Variants in XPO7 observed in about 807,000 individuals in gnomAD.
XPO7 encodes the protein exportin-7.
Under a neutral mutation model 144.3 loss-of-function variants are expected in XPO7, and 21 were observed. The observed-to-expected ratio is 0.15, with a 90% CI of 0.10 to 0.21. The LOEUF (loss-of-function observed/expected upper bound fraction) is 0.21. Ranked by LOEUF, XPO7 falls within the 10% of genes least tolerant of loss-of-function variation. The pLI is 1.00. For missense variants in XPO7, 808 were observed against 1,325.8 expected (o/e 0.61, Z 6.06); for synonymous variants, 580 against 499.6 (o/e 1.16, Z -2.15).
intron 15 of XPO7, 169 bp from the exon 16 acceptor site, chr8:21,988,834 G>A: frequency 1.6e-6 from 1 of 612,562 alleles, no homozygotes; most frequent in Non-Finnish European, 2.8e-6. Flanking sequence ...TCAACCAAAT[G>A]TAAGTACAGA....
At chr8:21,998,654 TA>T in intron 21 of XPO7, 100 bp from the exon 22 acceptor site, 1 of 902,522 alleles carries the variant, frequency 1.1e-6, no homozygotes, top group Non-Finnish European at 1.7e-6. Context: ...TACCTTAATG[TA>T]AATGCAGGAT....
At chr8:21,920,958 A>C (rs192309172) in intron 1 of XPO7, among the ~76,000 whole-genome samples, 5 of 152,196 alleles carry the variant, frequency 3.3e-5, no homozygotes, top group Non-Finnish European at 7.4e-5. Context: ...AGAAGGGACT[A>C]AATAAAAGAC....
chr8:21,951,714 T>C (rs901134968), intron 1 of XPO7, among the ~76,000 whole-genome samples: 1 of 152,242 alleles, frequency 6.6e-6, no homozygotes, highest in South Asian at 2.1e-4. Context: ...AGGTGTGTTG[T>C]CAACTGTTTT....
intron 25 of XPO7, 121 bp downstream of exon 25, chr8:22,002,393 G>A: frequency 1.6e-6 from 2 of 1,238,674 alleles, no homozygotes; most frequent in Non-Finnish European, 2.2e-6. Flanking sequence ...CTGCTGAGAT[G>A]AAGTCCGTGT....
rs376755878 is a variant in XPO7, at chr8:21,972,360, TC to T, written c.492+422del. On this transcript the variant is annotated intron_variant, in intron 5 of 27. Coordinates refer to ENST00000252512, the MANE Select transcript of XPO7 (RefSeq NM_015024.5). ...CGGGCGTGGTGGCATGTGCCTGTAGTCCCAGCGACTTGGGAGACAGGCAGGA... is the reference window on the plus strand; with the variant it reads ...CGGGCGTGGTGGCATGTGCCTGTAGTCCAGCGACTTGGGAGACAGGCAGGA... 3.7e-3 allele frequency among the ~76,000 whole-genome samples: 563 copies of T among 152,228 alleles called. 2 individuals are homozygous for T. The highest frequency in any genetic ancestry group is 0.013 in the African/African-American group (538 of 41,536).
chr8:21,951,945 G>C (rs1811387851), intron 1 of XPO7, among the ~76,000 whole-genome samples: 1 of 152,160 alleles, frequency 6.6e-6, no homozygotes, highest in Non-Finnish European at 1.5e-5. Context: ...GGAGGGATTG[G>C]TGATAACCAG....
At chr8:21,922,544 C>T (rs1810323063) in intron 1 of XPO7, among the ~76,000 whole-genome samples, 2 of 152,140 alleles carry the variant, frequency 1.3e-5, no homozygotes, top group South Asian at 4.2e-4. Flanking sequence ...AGTTGCCCTT[C>T]CTTTCATGTT....
intron 27 of XPO7, among the ~76,000 whole-genome samples, chr8:22,004,636 T>C (rs1813261621): frequency 6.6e-6 from 1 of 152,128 alleles, no homozygotes; most frequent in Non-Finnish European, 1.5e-5. Flanking sequence ...GGTAGCCATA[T>C]GTGGTTAGCA....
At chr8:21,994,286 CAT>C in intron 19 of XPO7, 75 bp from the exon 20 acceptor site, 2 of 1,036,828 alleles carry the variant, frequency 1.9e-6, no homozygotes, top group South Asian at 1.4e-5. Flanking sequence ...TTTGATGATA[CAT>C]GTGTGGAATC....
At chr8:21,975,172 G>A (rs1812187114) in intron 6 of XPO7, among the ~76,000 whole-genome samples, 1 of 152,250 alleles carries the variant, frequency 6.6e-6, no homozygotes, top group African/African-American at 2.4e-5. Flanking sequence ...TGCTCTGAAA[G>A]TAGGTTCAGA....
At chr8:21,950,448 T>G (rs1351040043) in intron 1 of XPO7, among the ~76,000 whole-genome samples, 1 of 152,212 alleles carries the variant, frequency 6.6e-6, no homozygotes, top group African/African-American at 2.4e-5. Context: ...ATTCTCCCCA[T>G]CAAATGAGTA....
Position 21,999,186 on chromosome 8 carries a change from G to A in XPO7, c.2524G>A (p.Ala842Thr). The A allele has an allele frequency of 1.2e-6, 2 of 1,614,016 alleles. No individual in the cohort carries two copies. Among genetic ancestry groups the A allele is most frequent in the Admixed American group, 3.3e-5 (2 of 60,030 alleles). Reference protein sequence around the residue: ...ISICFSMLKAALSGSYVNFGV... With the variant: ...ISICFSMLKATLSGSYVNFGV... ...CATCTGCTTCTCCATGCTGAAGGCTGCTCTCAGTGGGAGTTACGTCAATTT... is the reference window on the plus strand; with the variant it reads ...CATCTGCTTCTCCATGCTGAAGGCTACTCTCAGTGGGAGTTACGTCAATTT... The change falls in exon 23 of 28, where the codon GCT becomes ACT. Residue 842 changes from alanine (A) to threonine (T), a missense_variant. Physicochemically the swap from Ala to Thr is moderately conservative, Grantham distance 58 (BLOSUM62 0). This residue lies in a region of XPO7 where 416 missense variants were observed against 612.5 expected (regional missense o/e 0.68). Transcript: ENST00000252512.
chr8:21,977,637 C>G (rs1052684397), intron 7 of XPO7, 133 bp from the exon 8 acceptor site: 2 of 816,728 alleles, frequency 2.4e-6, no homozygotes, highest in Non-Finnish European at 3.8e-6. Context: ...TTGCTTATCA[C>G]TTCCAAAGGA....
Position 21,984,662 on chromosome 8 carries a change from C to T in XPO7, c.1294C>T (p.Pro432Ser), listed in dbSNP as rs748991778. Residue 432 changes from proline to serine, a missense_variant, in exon 12 of 28, where the codon CCC (proline) becomes TCC (serine). This residue lies in a region of XPO7 where 416 missense variants were observed against 612.5 expected (regional missense o/e 0.68). Transcript: ENST00000252512. The stretch of plus-strand genomic sequence containing the variant: ...TGGGAATAGAGATGGCCTGGAAGAT[C>T]CCCTGGAGGATACGGGGCTGGTCCA... ...HIILRDGLED[P>S]LEDTGLVQQQ... 7.4e-6 allele frequency: 12 copies of T among 1,612,704 alleles called. No homozygotes were observed. The highest frequency in any genetic ancestry group is 1.0e-5 in the Non-Finnish European group (12 of 1,179,474).
At chr8:21,946,261 A>G (rs1422319930) in intron 1 of XPO7, among the ~76,000 whole-genome samples, 1 of 152,114 alleles carries the variant, frequency 6.6e-6, no homozygotes, top group Non-Finnish European at 1.5e-5. Context: ...CAGAATTATA[A>G]AATAAGTTAA....
At position 21,976,532 on chromosome 8, in the gene XPO7, T is replaced by A; in HGVS notation, c.763+11T>A. 6.2e-7 allele frequency: 1 copy of A among 1,606,538 alleles called. No individual in the cohort carries two copies. The highest frequency in any genetic ancestry group is 2.2e-5 in the East Asian group (1 of 44,578). ...CCAGCTGGAGATCAGGTAACAGAACTTCCTCCACCTCAAAGGCTGTCTGTC... is the reference window on the plus strand; with the variant it reads ...CCAGCTGGAGATCAGGTAACAGAACATCCTCCACCTCAAAGGCTGTCTGTC... On this transcript the variant is annotated intron_variant, in intron 7 of 27. Transcript: ENST00000252512.
At chr8:21,935,048 A>T (rs1050481445) in intron 1 of XPO7, among the ~76,000 whole-genome samples, 1 of 152,230 alleles carries the variant, frequency 6.6e-6, no homozygotes, top group African/African-American at 2.4e-5. Context: ...TAAAGTAAGG[A>T]CATTTGCATT....
At chr8:21,994,804 A>G (rs1445662545) in intron 20 of XPO7, among the ~76,000 whole-genome samples, 1 of 152,234 alleles carries the variant, frequency 6.6e-6, no homozygotes, top group East Asian at 1.9e-4. Flanking sequence ...CTGTAATCCC[A>G]GCACTTAGGG....
At chr8:22,002,015 G>T in intron 24 of XPO7, 97 bp from the exon 25 acceptor site, 1 of 1,426,720 alleles carries the variant, frequency 7.0e-7, no homozygotes, top group Non-Finnish European at 9.4e-7. Flanking sequence ...TGGTTGAATT[G>T]GCCACGGTAC....
Sources: gnomAD v4.1 joint callset for allele counts (sites outside exome capture counted in the v4.1 genomes callset) on GRCh38, gnomAD v4.1.1 for gene constraint, gnomAD v4.1.1 regional missense constraint, MANE v1.5 for transcripts, NCBI Gene and HGNC (gene_info 2026-07-23, HGNC 2026-07-21) for gene names.